The following CELF2 variants were observed in gnomAD, a reference collection of about 807,000 sequenced individuals.
The protein encoded by CELF2 is CUGBP Elav-like family member 2.
A neutral mutation model predicts 62.6 loss-of-function variants in CELF2; 8 were observed. The observed-to-expected ratio is 0.13, with a 90% CI of 0.07 to 0.23. The LOEUF is 0.23. CELF2 is among the 10% of genes least tolerant of loss of function. CELF2 has a pLI of 1.00. For synonymous variants in CELF2, 258 were observed against 250.0 expected (o/e 1.03, Z -0.30); for missense variants, 333 against 671.0 (o/e 0.50, Z 5.56).
intron 1 of CELF2, among the ~76,000 whole-genome samples, chr10:11,107,959 CTCTT>C (rs139120175): frequency 4.5e-5 from 5 of 111,862 alleles, no homozygotes; most frequent in African/African-American, 2.8e-4. Flanking sequence ...TCCTTGCTCT[CTCTT>C]ACCCTTCTTT....
chr10:10,543,111 T>C, the CELF2 span, among the ~76,000 whole-genome samples: 2 of 152,198 alleles, frequency 1.3e-5, no homozygotes, highest in Admixed American at 1.3e-4. Context: ...ACTTGGCTTC[T>C]AGCAAACAGA....
At chr10:10,658,057 A>G in the CELF2 span, among the ~76,000 whole-genome samples, 1 of 152,334 alleles carries the variant, frequency 6.6e-6, no homozygotes, top group African/African-American at 2.4e-5. Context: ...AGCAAACATA[A>G]TTCCACACTT....
chr10:10,749,992 C>T, the CELF2 span, among the ~76,000 whole-genome samples: 1 of 152,176 alleles, frequency 6.6e-6, no homozygotes, highest in Non-Finnish European at 1.5e-5. Context: ...CTATCAAAAG[C>T]AATGCCATAG....
At chr10:11,048,134 C>T (rs2063198670) in intron 1 of CELF2, among the ~76,000 whole-genome samples, 1 of 152,206 alleles carries the variant, frequency 6.6e-6, no homozygotes, top group Non-Finnish European at 1.5e-5. Context: ...GATACTCTGC[C>T]TGCAATGTAG....
intron 3 of CELF2, among the ~76,000 whole-genome samples, chr10:11,234,550 C>T (rs904697458): frequency 6.6e-6 from 1 of 151,504 alleles, no homozygotes; most frequent in African/African-American, 2.4e-5. Flanking sequence ...GATGAGGTGG[C>T]GGGCACCTGT....
chr10:10,775,474 A>G, the CELF2 span, among the ~76,000 whole-genome samples: 1 of 152,178 alleles, frequency 6.6e-6, no homozygotes, highest in African/African-American at 2.4e-5. Context: ...TACTAAAACT[A>G]CAAAAATTAG....
At chr10:11,033,806 T>A (rs1593594742) in intron 1 of CELF2, among the ~76,000 whole-genome samples, 3 of 152,336 alleles carry the variant, frequency 2.0e-5, no homozygotes, top group Admixed American at 2.0e-4. Flanking sequence ...AGTTGTACAG[T>A]CTGTACAGCA....
chr10:11,262,986 A>T (rs7904401), intron 5 of CELF2, among the ~76,000 whole-genome samples: 16,857 of 104,264 alleles, frequency 0.16, 1,203 homozygotes, highest in Admixed American at 0.2. Flanking sequence ...GCAAGAATTC[A>T]TCTAGTTCTC....
chr10:10,916,737 C>T (rs542613642), intron 1 of CELF2, among the ~76,000 whole-genome samples: 17 of 152,168 alleles, frequency 1.1e-4, no homozygotes, highest in African/African-American at 1.7e-4. Flanking sequence ...CTCAGCCTCC[C>T]GAGTAGCTGG....
At chr10:10,642,088 G>T in the CELF2 span, among the ~76,000 whole-genome samples, 1 of 152,164 alleles carries the variant, frequency 6.6e-6, no homozygotes, top group African/African-American at 2.4e-5. Context: ...AAAAAACAAG[G>T]CCATCATGGG....
At chr10:11,325,513 T>TTA (rs796679935) in intron 11 of CELF2, among the ~76,000 whole-genome samples, 3 of 152,322 alleles carry the variant, frequency 2.0e-5, no homozygotes, top group African/African-American at 7.2e-5. Context: ...CATGCCAAGA[T>TTA]TATCTGTCCC....
Position 11,085,603 on chromosome 10 carries a change from G to A in CELF2, c.74+67440G>A, listed in dbSNP as rs538565164. The stretch of plus-strand genomic sequence containing the variant: ...GCTTTCCCCAGTTTACAGATGGGCC[G>A]TTGAGGCACAGAGAGTTGACAGAAA... On this transcript the variant is annotated intron_variant, in intron 1 of 12. Coordinates refer to ENST00000633077, the MANE Select transcript of CELF2 (RefSeq NM_001326342.2). Among the ~76,000 whole-genome samples, 8 of 152,174 alleles carry A rather than the reference G, an allele frequency of 5.3e-5. No individual in the cohort carries two copies. The South Asian group carries it at 1.5e-3, about 28-fold the overall frequency.
intron 4 of CELF2, among the ~76,000 whole-genome samples, chr10:11,252,729 G>A (rs781554016): frequency 8.1e-4 from 123 of 152,214 alleles, no homozygotes; most frequent in Admixed American, 2.4e-3. Flanking sequence ...TCGCGGCATC[G>A]TGTTTTCCAT....
chr10:10,697,587 G>A, the CELF2 span, among the ~76,000 whole-genome samples: 4 of 152,280 alleles, frequency 2.6e-5, no homozygotes, highest in East Asian at 1.9e-4. Flanking sequence ...AGACACTGAC[G>A]GATGTAGCAT....
Position 10,986,783 on chromosome 10 carries a change from C to T in CELF2, c.89+66784C>T, listed in dbSNP as rs979922136. Among the ~76,000 whole-genome samples the T allele has an allele frequency of 3.9e-5, 6 of 152,284 alleles. No homozygotes were observed. The South Asian group carries it at 1.2e-3, about 32-fold the overall frequency. On this transcript the variant is annotated intron_variant, in intron 2 of 13. Coordinates refer to the CELF2 transcript ENST00000636488. ...TGCCACATTGCAATGTGGCCAGGCT[C>T]ACAGGGAGGAATGTGTGAGATAAAC...
chr10:11,076,465 A>G (rs529147649), intron 1 of CELF2, among the ~76,000 whole-genome samples: 1 of 152,298 alleles, frequency 6.6e-6, no homozygotes, highest in East Asian at 1.9e-4. Context: ...GCTTGCTTTA[A>G]TATCTGTGGA....
At chr10:10,891,468 G>A (rs543191983) in intron 1 of CELF2, among the ~76,000 whole-genome samples, 2 of 151,754 alleles carry the variant, frequency 1.3e-5, no homozygotes, top group East Asian at 3.9e-4. Flanking sequence ...TGTCTTCTCT[G>A]TGCCAGATGC....
chr10:10,482,868 G>A, the CELF2 span, among the ~76,000 whole-genome samples: 2 of 152,076 alleles, frequency 1.3e-5, no homozygotes, highest in Non-Finnish European at 2.9e-5. Context: ...GACAAAGGAC[G>A]CCTCCCCTGT....
the CELF2 span, among the ~76,000 whole-genome samples, chr10:10,494,624 G>C: frequency 1.3e-5 from 2 of 152,150 alleles, no homozygotes; most frequent in Admixed American, 1.3e-4. Flanking sequence ...ACACATGTTA[G>C]ACACCCTCAG....
Sources: allele counts gnomAD v4.1 joint callset (sites outside exome capture counted in the v4.1 genomes callset), GRCh38; gene constraint gnomAD v4.1.1; transcripts MANE v1.5; gene names NCBI Gene and HGNC (gene_info 2026-07-23, HGNC 2026-07-21).